The following OSBPL11 variants were observed in gnomAD, a reference collection of about 807,000 sequenced individuals.
OSBPL11 encodes the protein oxysterol-binding protein-related protein 11.
OSBPL11 carries 33 observed loss-of-function variants against 84.4 expected under a neutral mutation model. The ratio of observed to expected loss-of-function variants is 0.39; its 90% CI spans 0.30 to 0.52. The LOEUF (loss-of-function observed/expected upper bound fraction) is 0.52, where lower values mean the gene tolerates loss of function less well. OSBPL11 is among the 20% of genes least tolerant of loss of function. OSBPL11 has a pLI of 0.72. For synonymous variants in OSBPL11, 276 were observed against 310.2 expected, an observed-to-expected ratio of 0.89 and a Z score of 1.16; for missense variants, 736 against 901.1, an observed-to-expected ratio of 0.82 and a Z score of 2.35.
At chr3:125,551,942 C>T (rs1202017233) in intron 9 of OSBPL11, among the ~76,000 whole-genome samples, 1 of 151,974 alleles carries the variant, frequency 6.6e-6, no homozygotes, top group South Asian at 2.1e-4. Flanking sequence ...ATATTTTAAA[C>T]TTAGAGTTAA....
At chr3:125,587,993 G>A (rs1367951520) in intron 1 of OSBPL11, among the ~76,000 whole-genome samples, 2 of 152,074 alleles carry the variant, frequency 1.3e-5, no homozygotes, top group African/African-American at 2.4e-5. Flanking sequence ...AGGCTGAGGT[G>A]GGTGGATCAC....
chr3:125,539,333 ATATATATATAT>A lies in OSBPL11; in HGVS notation c.1842-711_1842-701del, dbSNP rs1935691307. On this transcript the variant is annotated intron_variant, in intron 10 of 12. Transcript: ENST00000296220. ...TATATATATATATATATATATATATATATATATATATAATAGCTATATATATGGCTGTTTAT... is the reference window on the plus strand; with the variant it reads ...TATATATATATATATATATATATATAAATAGCTATATATATGGCTGTTTAT... 1.7e-3 allele frequency among the ~76,000 whole-genome samples: 209 copies of A among 121,384 alleles called. 3 individuals carry two copies. Among genetic ancestry groups the A allele is most frequent in the African/African-American group, 7.9e-3 (199 of 25,204 alleles). The allele number at this position is 121,384 out of a possible 152,430, so 79.6% of individuals were successfully genotyped here.
intron 8 of OSBPL11, among the ~76,000 whole-genome samples, chr3:125,558,177 C>T (rs1170683786): frequency 6.6e-6 from 1 of 152,168 alleles, no homozygotes; most frequent in Non-Finnish European, 1.5e-5. Flanking sequence ...GAACTTCTAC[C>T]ATGTGGATTA....
At chr3:125,565,673 C>T (rs929073925) in intron 6 of OSBPL11, among the ~76,000 whole-genome samples, 2 of 152,120 alleles carry the variant, frequency 1.3e-5, no homozygotes, top group African/African-American at 4.8e-5. Context: ...TTTGACTCTA[C>T]AGTATTTTCT....
chr3:125,574,590 G>T (rs1004379283), intron 5 of OSBPL11, among the ~76,000 whole-genome samples: 13 of 149,936 alleles, frequency 8.7e-5, no homozygotes, highest in African/African-American at 3.2e-4. Context: ...TCTCAAGATT[G>T]AATAAAATGA....
chr3:125,564,429 CAG>C (rs938056608), intron 6 of OSBPL11, among the ~76,000 whole-genome samples: 6 of 152,136 alleles, frequency 3.9e-5, no homozygotes, highest in Non-Finnish European at 8.8e-5. Flanking sequence ...CCAGTGAAGA[CAG>C]TGGTCACATT....
At chr3:125,575,255 T>C (rs931567268) in intron 5 of OSBPL11, among the ~76,000 whole-genome samples, 1 of 152,148 alleles carries the variant, frequency 6.6e-6, no homozygotes, top group Non-Finnish European at 1.5e-5. Context: ...ACTAGAATTA[T>C]TTGGTACACA....
chr3:125,571,601 G>GCAATATGGACAATA (rs1936243641), intron 5 of OSBPL11, among the ~76,000 whole-genome samples: 1 of 151,840 alleles, frequency 6.6e-6, no homozygotes, highest in Non-Finnish European at 1.5e-5. Context: ...CTGTGTCCCA[G>GCAATATGGACAATA]GTGCTCCAGC....
At chr3:125,541,867 G>C (rs1935733156) in intron 10 of OSBPL11, among the ~76,000 whole-genome samples, 1 of 152,176 alleles carries the variant, frequency 6.6e-6, no homozygotes, top group Admixed American at 6.5e-5. Flanking sequence ...AGAGGTGTGA[G>C]CCACCGTACC....
chr3:125,594,731 T>G lies in OSBPL11; in HGVS notation c.70A>C (p.Thr24Pro). 6.2e-7 allele frequency: 1 copy of G among 1,614,230 alleles called. No homozygotes were observed. The change falls in exon 1 of 13, where the codon ACA becomes CCA. Residue 24 changes from threonine (T) to proline (P), a missense_variant. By Grantham distance (38) the Thr-to-Pro change is conservative. Coordinates refer to ENST00000296220, the MANE Select transcript of OSBPL11 (RefSeq NM_022776.5). Reference sequence around the variant, plus strand: ...CTGTTCTTGTTCGGGGTCACCGCTGTGGCCTGGCCCTCCAGCTTTCCTTCG... The same window carrying G: ...CTGTTCTTGTTCGGGGTCACCGCTGGGGCCTGGCCCTCCAGCTTTCCTTCG... ...ESEGKLEGQA[T>P]AVTPNKNSSC...
chr3:125,560,186 A>G (rs1936053932), intron 8 of OSBPL11, among the ~76,000 whole-genome samples, 193 bp downstream of exon 8: 1 of 152,146 alleles, frequency 6.6e-6, no homozygotes, highest in African/African-American at 2.4e-5. Context: ...GCCTGAACCC[A>G]GGAAGTGGAG....
At chr3:125,577,214 TA>T (rs994005092) in intron 4 of OSBPL11, among the ~76,000 whole-genome samples, 17 of 149,122 alleles carry the variant, frequency 1.1e-4, no homozygotes, top group African/African-American at 2.2e-4. Flanking sequence ...GAAGAACGAT[TA>T]AAAAAAAAAT....
In OSBPL11 at chr3:125,594,455, T is replaced by C. The variant is rs891650671; in HGVS notation, c.164+182A>G. ...CAAAAGGCCTTCCATAAATACCTGT[T>C]GAATGAACAAATGAATGGATTAAAT... On this transcript the variant is annotated intron_variant, in intron 1 of 12. Coordinates refer to ENST00000296220, the MANE Select transcript of OSBPL11 (RefSeq NM_022776.5). Among the ~76,000 whole-genome samples the C allele has an allele frequency of 3.3e-5, 5 of 152,242 alleles. No homozygotes were observed. In the South Asian group the frequency reaches 6.2e-4, roughly 19 times the overall value.
intron 5 of OSBPL11, among the ~76,000 whole-genome samples, chr3:125,572,641 T>C (rs978955042): frequency 2.6e-5 from 4 of 151,986 alleles, no homozygotes; most frequent in Non-Finnish European, 4.4e-5. Context: ...TCCCTTTGCC[T>C]GCTGCCATCC....
At chr3:125,576,495 T>TGA (rs1480612052) in intron 4 of OSBPL11, 130 bp from the exon 5 acceptor site, 1 of 623,420 alleles carries the variant, frequency 1.6e-6, no homozygotes, top group Non-Finnish European at 2.4e-6. Context: ...GAATTGACTA[T>TGA]GAGAACATTT....
intron 11 of OSBPL11, among the ~76,000 whole-genome samples, chr3:125,532,369 G>A (rs1935570963): frequency 6.6e-6 from 1 of 152,022 alleles, no homozygotes; most frequent in Admixed American, 6.6e-5. Flanking sequence ...AAATAATGGG[G>A]AACACATTTA....
intron 10 of OSBPL11, among the ~76,000 whole-genome samples, chr3:125,545,430 T>C (rs1278981121): frequency 6.6e-6 from 1 of 152,236 alleles, no homozygotes; most frequent in Non-Finnish European, 1.5e-5. Context: ...CCCATCTTTA[T>C]GGTATTATGA....
At chr3:125,542,520 T>TC (rs960406966) in intron 10 of OSBPL11, among the ~76,000 whole-genome samples, 1 of 150,844 alleles carries the variant, frequency 6.6e-6, no homozygotes, top group African/African-American at 2.4e-5. Flanking sequence ...TTTTTTTTTT[T>TC]TTTTTTGAGA....
Position 125,594,902 on chromosome 3 carries a change from G to T in OSBPL11, c.-102C>A. The T allele has an allele frequency of 7.5e-7, 1 of 1,338,456 alleles. No individual in the cohort carries two copies. The highest frequency in any genetic ancestry group is 1.5e-5 in the South Asian group (1 of 67,616). The allele number at this position is 1,338,456 out of a possible 1,614,324, so 82.9% of individuals were successfully genotyped here. On this transcript the variant is annotated 5_prime_UTR_variant, in exon 1 of 13. Transcript: ENST00000296220. The stretch of plus-strand genomic sequence containing the variant: ...TAAGATTTGATCTGAATATGATACC[G>T]GTTGCTAAATCACACGGCGGCTGGG...
Sources: allele counts gnomAD v4.1 joint callset (sites outside exome capture counted in the v4.1 genomes callset), GRCh38; gene constraint gnomAD v4.1.1; transcripts MANE v1.5; gene names NCBI Gene and HGNC (gene_info 2026-07-23, HGNC 2026-07-21).